The following GALNT7 variants were observed in gnomAD, a reference collection of about 807,000 sequenced individuals.
GALNT7 encodes polypeptide N-acetylgalactosaminyltransferase 7.
Under a neutral mutation model 82.1 loss-of-function variants are expected in GALNT7, and 60 were observed. The observed-to-expected ratio is 0.73, with a 90% CI of 0.59 to 0.91. GALNT7 has a LOEUF of 0.91. Among genes scored for constraint, GALNT7 ranks in the 40% least tolerant of loss-of-function variants. The probability of loss-of-function intolerance (pLI) is 0.00; values close to 1 mark genes in which losing one functional copy is unlikely to be tolerated. For synonymous variants in GALNT7, 243 were observed against 275.1 expected (o/e 0.88, Z 1.15); for missense variants, 660 against 804.2 (o/e 0.82, Z 2.17).
chr4:173,275,526 G>A (rs993270014), intron 2 of GALNT7, among the ~76,000 whole-genome samples: 1 of 152,182 alleles, frequency 6.6e-6, no homozygotes, highest in Non-Finnish European at 1.5e-5. Flanking sequence ...AAGGCCACAA[G>A]TGGTCTGGCA....
intron 1 of GALNT7, among the ~76,000 whole-genome samples, chr4:173,231,215 A>T (rs925628615): frequency 1.3e-5 from 2 of 152,196 alleles, no homozygotes; most frequent in African/African-American, 4.8e-5. Context: ...GGAACAAAAC[A>T]CCTTTGACAG....
At chr4:173,275,220 C>T (rs571769388) in intron 2 of GALNT7, among the ~76,000 whole-genome samples, 1 of 152,268 alleles carries the variant, frequency 6.6e-6, no homozygotes, top group African/African-American at 2.4e-5. Context: ...AGAGTTTATA[C>T]ACATTATTTA....
At chr4:173,218,498 G>T (rs1393970434) in intron 1 of GALNT7, among the ~76,000 whole-genome samples, 1 of 152,052 alleles carries the variant, frequency 6.6e-6, no homozygotes, top group African/African-American at 2.4e-5. Flanking sequence ...CAGCATCCAA[G>T]CAGGGCCACT....
At chr4:173,173,791 T>C (rs13148023) in intron 1 of GALNT7, among the ~76,000 whole-genome samples, 2,903 of 152,206 alleles carry the variant, frequency 0.019, 39 homozygotes, top group Non-Finnish European at 0.03. Flanking sequence ...AGGTTCAGGG[T>C]GTATATAATA....
At chr4:173,300,609 C>T (rs756181756) in intron 6 of GALNT7, among the ~76,000 whole-genome samples, 11 of 151,494 alleles carry the variant, frequency 7.3e-5, no homozygotes, top group Non-Finnish European at 1.2e-4. Flanking sequence ...GGAGCAGAGC[C>T]GTGAAGGACT....
chr4:173,211,804 A>G (rs1733292651), intron 1 of GALNT7, among the ~76,000 whole-genome samples: 1 of 152,224 alleles, frequency 6.6e-6, no homozygotes, highest in South Asian at 2.1e-4. Flanking sequence ...CTTTTCTGAA[A>G]CTGCTTTTAA....
chr4:173,229,884 A>G (rs1733972351), intron 1 of GALNT7, among the ~76,000 whole-genome samples: 1 of 151,944 alleles, frequency 6.6e-6, no homozygotes, highest in South Asian at 2.1e-4. Context: ...TTTCTTGGTA[A>G]GCCTTTGGAG....
intron 2 of GALNT7, among the ~76,000 whole-genome samples, chr4:173,274,818 A>G (rs1200068261): frequency 6.6e-6 from 1 of 152,222 alleles, no homozygotes; most frequent in African/African-American, 2.4e-5. Context: ...CCTCAAATTC[A>G]CAACTAGTTC....
At chr4:173,294,678 G>A (rs1268898508) in intron 3 of GALNT7, among the ~76,000 whole-genome samples, 2 of 152,042 alleles carry the variant, frequency 1.3e-5, no homozygotes, top group Non-Finnish European at 2.9e-5. Flanking sequence ...AACAAAAGCT[G>A]TTCTCTTGTA....
intron 1 of GALNT7, among the ~76,000 whole-genome samples, chr4:173,189,520 C>G (rs981734315): frequency 6.6e-6 from 1 of 152,170 alleles, no homozygotes; most frequent in Non-Finnish European, 1.5e-5. Flanking sequence ...TCCTCCAAAT[C>G]AAATATACTT....
At position 173,313,986 on chromosome 4, in the gene GALNT7, G is replaced by A; in HGVS notation, c.1418G>A (p.Trp473Ter). 1 of 1,585,090 alleles carries A rather than the reference G, an allele frequency of 6.3e-7. No individual in the cohort carries two copies. Among genetic ancestry groups the A allele is most frequent in the Non-Finnish European group, 8.7e-7 (1 of 1,154,224 alleles). ...TATGTTAGAGTTGTGGAGGTTTGGT[G>A]GGATGAATATAAAGACTACTTCTAT... ...KNYVRVVEVWWDEYKDYFYAS... is the reference protein window; with the variant it reads ...KNYVRVVEVW Residue 473 changes from tryptophan (W) to a stop codon, truncating the protein, a stop_gained, in exon 9 of 12, where the codon TGG becomes TAG. Transcript: ENST00000265000. LOFTEE classifies it high-confidence loss of function.
rs574828987 is a variant in GALNT7 at position 173,322,115 on chromosome 4, A to C, written c.*398A>C. ...AAAAGGTTGGAGTAGCCAGACTTTCATATATAACTTGGTGATTATCAACCT... is the reference window on the plus strand; with the variant it reads ...AAAAGGTTGGAGTAGCCAGACTTTCCTATATAACTTGGTGATTATCAACCT... On this transcript the variant is annotated 3_prime_UTR_variant, in exon 12 of 12. Transcript: ENST00000265000. 1 of 156,504 alleles carries C rather than the reference A, an allele frequency of 6.4e-6. No homozygotes were observed. The highest frequency in any genetic ancestry group is 1.8e-4 in the East Asian group (1 of 5,430). 9.7% of individuals were successfully genotyped at this position (156,504 alleles called of 1,614,324 possible). A position where few individuals can be genotyped will look rare whatever the true frequency, so the allele number is the denominator to read the frequency against.
chr4:173,201,460 A>C (rs962827376), intron 1 of GALNT7, among the ~76,000 whole-genome samples: 1 of 152,196 alleles, frequency 6.6e-6, no homozygotes, highest in Non-Finnish European at 1.5e-5. Context: ...GGTAAAAATA[A>C]AGAAAAAAAT....
rs182708457 is a variant in GALNT7 at position 173,299,838 on chromosome 4, T to C, written c.1148+1541T>C. 7.1e-3 allele frequency among the ~76,000 whole-genome samples: 1,076 copies of C among 150,950 alleles called. 11 individuals carry two copies. Among genetic ancestry groups the C allele is most frequent in the African/African-American group, 0.024 (1,003 of 40,988 alleles). On this transcript the variant is annotated intron_variant, in intron 6 of 11. Transcript: ENST00000265000. ...TCCAGCCTGGGCAACAGAGTAAGAC[T>C]TGGTCTCAAAAACAAAAAAAAAAAG...
chr4:173,185,945 AG>A (rs1732448322), intron 1 of GALNT7, among the ~76,000 whole-genome samples: 1 of 152,230 alleles, frequency 6.6e-6, no homozygotes, highest in South Asian at 2.1e-4. Flanking sequence ...AAAGATTCCT[AG>A]GGAAATTACA....
At chr4:173,307,280 G>A (rs1406357947) in intron 8 of GALNT7, among the ~76,000 whole-genome samples, 1 of 152,248 alleles carries the variant, frequency 6.6e-6, no homozygotes, top group Non-Finnish European at 1.5e-5. Context: ...ACAAGCATGA[G>A]TGGAGAGACT....
At position 173,204,832 on chromosome 4, in the gene GALNT7, T is replaced by C. The variant is rs139738981; in HGVS notation, c.126+35871T>C. 2.8e-3 allele frequency among the ~76,000 whole-genome samples: 426 copies of C among 152,332 alleles called. 8 individuals carry two copies. Among genetic ancestry groups the C allele is most frequent in the East Asian group, 3.7e-3 (19 of 5,190 alleles). On this transcript the variant is annotated intron_variant, in intron 1 of 11. Transcript: ENST00000265000. ...GGCAGGGGGCAGCTCCTAGGAGATC[T>C]TTTGTGTTCTTTTGGTGGTATTATG...
intron 2 of GALNT7, among the ~76,000 whole-genome samples, chr4:173,253,859 G>C (rs1438857124): frequency 6.6e-6 from 1 of 152,178 alleles, no homozygotes; most frequent in African/African-American, 2.4e-5. Flanking sequence ...TTTGTGGATA[G>C]GTTAGATTTT....
chr4:173,306,449 T>C (rs1420725461), intron 8 of GALNT7, among the ~76,000 whole-genome samples: 3 of 152,224 alleles, frequency 2.0e-5, no homozygotes, highest in Admixed American at 1.3e-4. Context: ...TGTTCTTAAT[T>C]GTAGAGGAAG....
Sources: gnomAD v4.1 joint callset for allele counts (sites outside exome capture counted in the v4.1 genomes callset) on GRCh38, gnomAD v4.1.1 for gene constraint, MANE v1.5 for transcripts, NCBI Gene and HGNC (gene_info 2026-07-23, HGNC 2026-07-21) for gene names.